Variants in MSRA observed in about 807,000 individuals in gnomAD.
MSRA encodes the protein mitochondrial peptide methionine sulfoxide reductase.
Under a neutral mutation model 31.3 loss-of-function variants are expected in MSRA, and 54 were observed. The ratio of observed to expected loss-of-function variants is 1.73; its 90% CI spans 1.39 to 2.17. MSRA has a LOEUF of 2.17. MSRA is among the 30% of genes most tolerant of loss of function. The pLI, the probability that MSRA is intolerant of heterozygous loss-of-function variation, is 0.00. For missense variants in MSRA, 507 were observed against 300.9 expected (o/e 1.69, Z -5.07); for synonymous variants, 169 against 116.5 (o/e 1.45, Z -2.90).
chr8:10,245,562 A>T (rs1797580193), intron 3 of MSRA, among the ~76,000 whole-genome samples: 1 of 152,214 alleles, frequency 6.6e-6, no homozygotes, highest in African/African-American at 2.4e-5. Flanking sequence ...GGATTTGCTC[A>T]TGTGGCTAAG....
chr8:10,242,466 G>C (rs1797386159), intron 2 of MSRA, among the ~76,000 whole-genome samples: 1 of 152,094 alleles, frequency 6.6e-6, no homozygotes. Flanking sequence ...GCATGTCTAG[G>C]GTAGATGGCA....
At chr8:10,177,797 G>A (rs971338132) in intron 1 of MSRA, among the ~76,000 whole-genome samples, 1 of 152,158 alleles carries the variant, frequency 6.6e-6, no homozygotes. Flanking sequence ...AAGAAGAAAA[G>A]CTGTGGATGC....
chr8:10,094,021 A>T (rs1044817139), intron 1 of MSRA, among the ~76,000 whole-genome samples: 2 of 152,196 alleles, frequency 1.3e-5, no homozygotes, highest in African/African-American at 2.4e-5. Context: ...CGCTTCTCCA[A>T]TGCTGCTTTC....
chr8:10,058,330 AAAT>A (rs776671787), intron 1 of MSRA, among the ~76,000 whole-genome samples: 3 of 152,192 alleles, frequency 2.0e-5, no homozygotes, highest in Non-Finnish European at 4.4e-5. Context: ...CAAATATACA[AAAT>A]AAGTCCTGAG....
chr8:10,235,151 C>T (rs923140727), intron 2 of MSRA, among the ~76,000 whole-genome samples: 2 of 152,090 alleles, frequency 1.3e-5, no homozygotes, highest in South Asian at 2.1e-4. Context: ...AGAATAGTTA[C>T]AAAAATTCAC....
At chr8:10,325,034 G>C (rs1304244571) in intron 5 of MSRA, among the ~76,000 whole-genome samples, 1 of 152,198 alleles carries the variant, frequency 6.6e-6, no homozygotes, top group African/African-American at 2.4e-5. Flanking sequence ...GGGGGCCCTT[G>C]CAGAACTGGG....
chr8:10,194,223 C>G (rs1351546502), intron 1 of MSRA, among the ~76,000 whole-genome samples: 1 of 152,112 alleles, frequency 6.6e-6, no homozygotes, highest in Non-Finnish European at 1.5e-5. Context: ...TTATTTCTAT[C>G]CAAAATTTTG....
At chr8:10,271,088 A>C (rs1255883412) in intron 3 of MSRA, among the ~76,000 whole-genome samples, 1 of 149,688 alleles carries the variant, frequency 6.7e-6, no homozygotes, top group African/African-American at 2.5e-5. Context: ...TTAATATTCC[A>C]TAGAAGAAAA....
intron 3 of MSRA, among the ~76,000 whole-genome samples, chr8:10,253,446 T>G (rs1327737074): frequency 6.6e-6 from 1 of 152,232 alleles, no homozygotes; most frequent in Admixed American, 6.5e-5. Flanking sequence ...TTTAAGTAGT[T>G]AAATGTGTCA....
intron 1 of MSRA, among the ~76,000 whole-genome samples, chr8:10,061,055 T>C (rs1802689575): frequency 6.6e-6 from 1 of 152,220 alleles, no homozygotes; most frequent in South Asian, 2.1e-4. Context: ...CAGAGCTCTT[T>C]GATTTTACAA....
At chr8:10,112,502 C>G (rs1002730751) in intron 1 of MSRA, among the ~76,000 whole-genome samples, 10 of 151,980 alleles carry the variant, frequency 6.6e-5, no homozygotes. Flanking sequence ...GTAGCTAATG[C>G]CATTAAACAA....
chr8:10,358,108 T>C (rs1461928685), intron 5 of MSRA, among the ~76,000 whole-genome samples: 5 of 152,102 alleles, frequency 3.3e-5, no homozygotes, highest in African/African-American at 4.8e-5. Context: ...TTATTATCAT[T>C]AGTGGAGACG....
chr8:10,185,610 AAG>A (rs1806970725), intron 1 of MSRA, among the ~76,000 whole-genome samples: 1 of 152,282 alleles, frequency 6.6e-6, no homozygotes, highest in East Asian at 1.9e-4. Context: ...GAAAGAACCA[AAG>A]AGAGAGCAAT....
intron 1 of MSRA, among the ~76,000 whole-genome samples, chr8:10,068,711 A>G (rs1217509772): frequency 2.6e-5 from 4 of 152,238 alleles, no homozygotes; most frequent in Non-Finnish European, 4.4e-5. Context: ...GTTGAGTAGC[A>G]TCGGTTCTCT....
intron 3 of MSRA, among the ~76,000 whole-genome samples, chr8:10,266,716 A>T (rs999982591): frequency 2.0e-5 from 3 of 152,134 alleles, no homozygotes; most frequent in African/African-American, 7.2e-5. Context: ...ATGTACATTT[A>T]AGTCTGCAAT....
At chr8:10,227,530 C>A (rs1291471974) in intron 2 of MSRA, among the ~76,000 whole-genome samples, 1 of 152,162 alleles carries the variant, frequency 6.6e-6, no homozygotes, top group Non-Finnish European at 1.5e-5. Flanking sequence ...TGATTCTTGA[C>A]CCCTCTTGGT....
chr8:10,305,853 C>T (rs752214317), intron 4 of MSRA, among the ~76,000 whole-genome samples: 19 of 152,170 alleles, frequency 1.2e-4, no homozygotes, highest in African/African-American at 1.4e-4. Flanking sequence ...TGCCACTCCA[C>T]GGATTAGCCT....
chr8:10,143,411 G>T (rs903447163), intron 1 of MSRA, among the ~76,000 whole-genome samples: 9 of 152,110 alleles, frequency 5.9e-5, no homozygotes, highest in African/African-American at 1.7e-4. Flanking sequence ...CCAGTTTGTT[G>T]TATAATTTCA....
At chr8:10,324,187 A>G (rs1223096314) in intron 5 of MSRA, among the ~76,000 whole-genome samples, 2 of 152,172 alleles carry the variant, frequency 1.3e-5, no homozygotes, top group Non-Finnish European at 2.9e-5. Flanking sequence ...ATAGTGGCTC[A>G]CTGGCTCAGT....
Sources: gnomAD v4.1 joint callset for allele counts (sites outside exome capture counted in the v4.1 genomes callset) on GRCh38, gnomAD v4.1.1 for gene constraint, MANE v1.5 for transcripts, NCBI Gene and HGNC (gene_info 2026-07-23, HGNC 2026-07-21) for gene names.